NEMP2: variants seen among roughly 807,000 people sequenced by gnomAD.
NEMP2 encodes nuclear envelope integral membrane protein 2, also known as UPF0571 transmembrane protein.
NEMP2 carries 53 observed loss-of-function variants against 54.2 expected under a neutral mutation model. That is an observed-to-expected ratio of 0.98 (90% confidence interval 0.78 to 1.23). NEMP2 has a LOEUF of 1.23. Among genes scored for constraint, NEMP2 ranks in the 50% most tolerant of loss-of-function variants. The pLI is 0.00. For synonymous variants in NEMP2, 197 were observed against 190.3 expected (o/e 1.04, Z -0.29); for missense variants, 455 against 511.3 (o/e 0.89, Z 1.06).
At chr2:190,596,641 T>C in the NEMP2 span, among the ~76,000 whole-genome samples, 1 of 152,200 alleles carries the variant, frequency 6.6e-6, no homozygotes, top group African/African-American at 2.4e-5. This position sits in a 1 kb window ranked among gnomAD's most constrained non-coding sequence, Gnocchi z 5.1. Context: ...GTCGCTTGTC[T>C]TTTCATCTCT....
chr2:190,591,643 A>G, the NEMP2 span, among the ~76,000 whole-genome samples: 1 of 152,166 alleles, frequency 6.6e-6, no homozygotes, highest in Non-Finnish European at 1.5e-5. This position sits in a 1 kb window ranked among gnomAD's most constrained non-coding sequence, Gnocchi z 5.4. Flanking sequence ...GACAGTTCTG[A>G]TATACAGTTT....
At chr2:190,436,474 A>G in the NEMP2 span, 1 of 1,614,164 alleles carries the variant, frequency 6.2e-7, no homozygotes, top group Admixed American at 1.7e-5. The surrounding 1 kb of genome is among the most constrained non-coding windows in gnomAD (Gnocchi z 5.3). Context: ...CAACCTGGGC[A>G]TTGGATTTGT....
At chr2:190,572,391 T>A in the NEMP2 span, among the ~76,000 whole-genome samples, 1 of 152,132 alleles carries the variant, frequency 6.6e-6, no homozygotes, top group Non-Finnish European at 1.5e-5. Flanking sequence ...CCTCAACAAG[T>A]TTTTTTCTGG....
chr2:190,518,002 T>C (rs929556591), intron 4 of NEMP2, among the ~76,000 whole-genome samples: 1 of 152,126 alleles, frequency 6.6e-6, no homozygotes, highest in Non-Finnish European at 1.5e-5. Flanking sequence ...CTCGTCAGAG[T>C]CCAGGCTTTA....
At chr2:190,579,448 C>G in the NEMP2 span, among the ~76,000 whole-genome samples, 1 of 151,964 alleles carries the variant, frequency 6.6e-6, no homozygotes, top group Admixed American at 6.6e-5. Flanking sequence ...GGAATTCCAG[C>G]AGCAAATAAC....
chr2:190,573,435 G>T, the NEMP2 span, among the ~76,000 whole-genome samples: 1 of 152,152 alleles, frequency 6.6e-6, no homozygotes, highest in Non-Finnish European at 1.5e-5. Context: ...TGTTTTAAAA[G>T]TCTGTGTGTA....
At chr2:190,634,420 CAAAAT>C in the NEMP2 span, among the ~76,000 whole-genome samples, 1 of 151,720 alleles carries the variant, frequency 6.6e-6, no homozygotes, top group Non-Finnish European at 1.5e-5. The surrounding 1 kb of genome is among the most constrained non-coding windows in gnomAD (Gnocchi z 6.8). Flanking sequence ...TTCTGCTATA[CAAAAT>C]AAGAGAAACA....
At chr2:190,603,800 G>T in the NEMP2 span, among the ~76,000 whole-genome samples, 1 of 151,702 alleles carries the variant, frequency 6.6e-6, no homozygotes, top group Non-Finnish European at 1.5e-5. Context: ...AATCTTACAT[G>T]CAGCTAATGT....
At chr2:190,430,618 C>CA in the NEMP2 span, among the ~76,000 whole-genome samples, 1 of 152,088 alleles carries the variant, frequency 6.6e-6, no homozygotes, top group Non-Finnish European at 1.5e-5. Context: ...TCTACACAGA[C>CA]ACAGCAACCA....
intron 7 of NEMP2, among the ~76,000 whole-genome samples, chr2:190,511,534 AT>A (rs1185006808): frequency 6.7e-6 from 1 of 148,746 alleles, no homozygotes; most frequent in Non-Finnish European, 1.5e-5. Flanking sequence ...TGTTTTATTT[AT>A]TTTTTAAATT....
Position 190,530,870 on chromosome 2 carries a change from A to C in NEMP2, c.97+3689T>G, listed in dbSNP as rs1427429092. Among the ~76,000 whole-genome samples, 1 of 152,208 alleles carries C rather than the reference A, an allele frequency of 6.6e-6. No individual in the cohort carries two copies. The highest frequency in any genetic ancestry group is 6.5e-5 in the Admixed American group (1 of 15,286). ...AGATGTAGGCAAACTCAAATGTATC[A>C]AAACAACAACGGGCCAGGTGCTGAG... On this transcript the variant is annotated intron_variant, in intron 1 of 8. Transcript: ENST00000409150. This position sits in a 1 kb window ranked among gnomAD's most constrained non-coding sequence, Gnocchi z 4.6.
At chr2:190,554,189 G>A in the NEMP2 span, among the ~76,000 whole-genome samples, 2 of 152,142 alleles carry the variant, frequency 1.3e-5, no homozygotes, top group African/African-American at 4.8e-5. This position sits in a 1 kb window ranked among gnomAD's most constrained non-coding sequence, Gnocchi z 5.7. Context: ...CAGTGCCTAC[G>A]TCACCAGGGC....
At chr2:190,598,785 A>T in the NEMP2 span, among the ~76,000 whole-genome samples, 1 of 152,376 alleles carries the variant, frequency 6.6e-6, no homozygotes, top group Non-Finnish European at 1.5e-5. Flanking sequence ...GTGAAATTGT[A>T]CTTTGCATAT....
the NEMP2 span, among the ~76,000 whole-genome samples, chr2:190,560,244 T>C: frequency 6.6e-6 from 1 of 152,210 alleles, no homozygotes; most frequent in Non-Finnish European, 1.5e-5. The surrounding 1 kb of genome is among the most constrained non-coding windows in gnomAD (Gnocchi z 5.4). Context: ...GGGATAGGAA[T>C]GCTTCAGAGG....
upstream of NEMP2, among the ~76,000 whole-genome samples, chr2:190,537,630 A>C (rs1339087336): frequency 1.3e-5 from 2 of 152,206 alleles, no homozygotes; most frequent in African/African-American, 4.8e-5. Flanking sequence ...GAGATGATTT[A>C]GGGTATCTGG....
Position 190,525,314 on chromosome 2 carries a change from G to C in NEMP2, c.162C>G (p.Cys54Trp). Residue 54 changes from cysteine to tryptophan, a missense_variant, in exon 2 of 9, where the codon TGC becomes TGG. Transcript: ENST00000409150. This position sits in a 1 kb window ranked among gnomAD's most constrained non-coding sequence, Gnocchi z 5.0. Reference sequence around the variant, plus strand: ...ACTCCACTTGGGAATTTTGATTGTAGCAGTAACAGTCTGACTCAGACGTTC... The same window carrying C: ...ACTCCACTTGGGAATTTTGATTGTACCAGTAACAGTCTGACTCAGACGTTC... ...LIRTSESDCY[C>W]YNQNSQVEWK... 1 of 1,550,558 alleles carries C rather than the reference G, an allele frequency of 6.4e-7. No individual in the cohort carries two copies. Among genetic ancestry groups the C allele is most frequent in the Non-Finnish European group, 8.7e-7 (1 of 1,146,270 alleles).
At chr2:190,566,105 C>G in the NEMP2 span, among the ~76,000 whole-genome samples, 2 of 151,714 alleles carry the variant, frequency 1.3e-5, no homozygotes, top group Non-Finnish European at 2.9e-5. Flanking sequence ...CCACCAGCAG[C>G]CATCTCACAG....
chr2:190,476,114 A>G, the NEMP2 span, among the ~76,000 whole-genome samples: 45,119 of 151,424 alleles, frequency 0.3, 7,385 homozygotes, highest in East Asian at 0.46. Context: ...AAACCCTAGA[A>G]GAAAACCTAG....
the NEMP2 span, chr2:190,437,534 A>G: frequency 6.2e-7 from 1 of 1,613,922 alleles, no homozygotes; most frequent in Non-Finnish European, 8.5e-7. This position sits in a 1 kb window ranked among gnomAD's most constrained non-coding sequence, Gnocchi z 5.9. Flanking sequence ...TTTAGTCACA[A>G]GCTTATTGAA....
Sources: gnomAD v4.1 joint callset for allele counts (sites outside exome capture counted in the v4.1 genomes callset) on GRCh38, gnomAD v4.1.1 for gene constraint, Gnocchi (gnomAD v3.1) non-coding constraint, MANE v1.5 for transcripts, NCBI Gene and HGNC (gene_info 2026-07-23, HGNC 2026-07-21) for gene names.